Variants in TPH2 observed in about 807,000 individuals in gnomAD.
The protein encoded by TPH2 is tryptophan 5-hydroxylase 2.
Under a neutral mutation model 59.1 loss-of-function variants are expected in TPH2, and 27 were observed. The ratio of observed to expected loss-of-function variants is 0.46; its 90% confidence interval spans 0.34 to 0.63. The LOEUF (loss-of-function observed/expected upper bound fraction) is 0.63, where lower values mean the gene tolerates loss of function less well. Among genes scored for constraint, TPH2 ranks in the 30% least tolerant of loss-of-function variants. The probability of loss-of-function intolerance (pLI) is 0.01; values close to 1 mark genes in which losing one functional copy is unlikely to be tolerated. For synonymous variants in TPH2, 220 were observed against 210.5 expected, an observed-to-expected ratio of 1.05 and a Z score of -0.39; for missense variants, 523 against 588.3, an observed-to-expected ratio of 0.89 and a Z score of 1.15.
intron 8 of TPH2, among the ~76,000 whole-genome samples, chr12:71,998,731 A>T (rs759307652): frequency 3.9e-5 from 6 of 152,216 alleles, no homozygotes; most frequent in Non-Finnish European, 5.9e-5. Context: ...GATGAGAAAT[A>T]GAGGTATTAT....
At chr12:72,014,670 C>T (rs567951164) in intron 8 of TPH2, among the ~76,000 whole-genome samples, 4 of 152,260 alleles carry the variant, frequency 2.6e-5, no homozygotes, top group East Asian at 3.9e-4. Context: ...GGATTACAGG[C>T]GTGAACCACC....
At chr12:72,007,017 T>C (rs1485296567) in intron 8 of TPH2, among the ~76,000 whole-genome samples, 1 of 152,132 alleles carries the variant, frequency 6.6e-6, no homozygotes, top group Non-Finnish European at 1.5e-5. Flanking sequence ...CTGGAGAGTT[T>C]CTTACTTTCT....
At chr12:71,986,630 C>CTTTTT (rs36018735) in intron 7 of TPH2, among the ~76,000 whole-genome samples, 3 of 131,380 alleles carry the variant, frequency 2.3e-5, no homozygotes, top group Non-Finnish European at 3.2e-5. Context: ...AGCCACCCTT[C>CTTTTT]TTTTTTTTTT....
At chr12:71,981,998 G>A (rs1298304340) in intron 7 of TPH2, among the ~76,000 whole-genome samples, 2 of 85,204 alleles carry the variant, frequency 2.3e-5, no homozygotes, top group Admixed American at 1.2e-4. Flanking sequence ...ATTTTTTGTG[G>A]GTTTCATATC....
At chr12:71,956,257 C>T (rs1871492813) in intron 5 of TPH2, among the ~76,000 whole-genome samples, 1 of 152,198 alleles carries the variant, frequency 6.6e-6, no homozygotes, top group African/African-American at 2.4e-5. Flanking sequence ...GACACACCAT[C>T]ACTCTTGCTG....
chr12:72,007,818 AG>A (rs202048735), intron 8 of TPH2, among the ~76,000 whole-genome samples: 1,854 of 152,200 alleles, frequency 0.012, 35 homozygotes, highest in African/African-American at 0.04. Context: ...CCAAGAAAAA[AG>A]CCAACGGTAT....
At chr12:71,940,523 T>C (rs1871027857) in intron 1 of TPH2, among the ~76,000 whole-genome samples, 1 of 152,170 alleles carries the variant, frequency 6.6e-6, no homozygotes. Context: ...TGTAGTAGAT[T>C]GGTACGATTG....
chr12:71,954,827 T>C (rs1057423712), intron 5 of TPH2, among the ~76,000 whole-genome samples: 8 of 59,598 alleles, frequency 1.3e-4, no homozygotes, highest in Non-Finnish European at 2.4e-4. Context: ...TATGCATGCA[T>C]ATTTAATTTT....
chr12:71,989,948 G>GC (rs1566145532), intron 7 of TPH2, among the ~76,000 whole-genome samples: 90 of 13,384 alleles, frequency 6.7e-3, no homozygotes, highest in African/African-American at 0.011. Context: ...ATCAGCTCTT[G>GC]GTTTTTTTTT....
intron 6 of TPH2, among the ~76,000 whole-genome samples, chr12:71,974,777 A>G (rs1384639795): frequency 6.6e-6 from 1 of 152,134 alleles, no homozygotes; most frequent in Non-Finnish European, 1.5e-5. Flanking sequence ...TTCTACTGCT[A>G]TCATCCAAAT....
intron 8 of TPH2, among the ~76,000 whole-genome samples, chr12:72,019,833 A>C (rs1873361332): frequency 6.6e-6 from 1 of 152,214 alleles, no homozygotes; most frequent in African/African-American, 2.4e-5. Context: ...TGGATGTCAC[A>C]GAATAGATGA....
chr12:72,010,519 A>G (rs1413268040), intron 8 of TPH2, among the ~76,000 whole-genome samples: 3 of 152,140 alleles, frequency 2.0e-5, no homozygotes, highest in African/African-American at 7.2e-5. Flanking sequence ...AAAACTTAAA[A>G]TAGAAGACTG....
rs1037080642 is a variant in TPH2 at position 71,947,182 on chromosome 12, C to T, written c.541-2406C>T. ...TGTCTTAATTAATGTTCCAGCTCAGCGATTCTCATCCCTAGCTTTCCATTC... is the reference window on the plus strand; with the variant it reads ...TGTCTTAATTAATGTTCCAGCTCAGTGATTCTCATCCCTAGCTTTCCATTC... On this transcript the variant is annotated intron_variant, in intron 4 of 10. Coordinates refer to ENST00000333850, the MANE Select transcript of TPH2 (RefSeq NM_173353.4). 7.9e-5 allele frequency among the ~76,000 whole-genome samples: 12 copies of T among 152,200 alleles called. No individual in the cohort carries two copies. The East Asian group carries it at 1.9e-3, about 24-fold the overall frequency.
chr12:71,950,622 C>T (rs538960302), intron 5 of TPH2, among the ~76,000 whole-genome samples: 1 of 152,120 alleles, frequency 6.6e-6, no homozygotes, highest in African/African-American at 2.4e-5. Context: ...TGCTCTCTTT[C>T]CTCTGTCTGG....
intron 6 of TPH2, among the ~76,000 whole-genome samples, chr12:71,976,592 T>C (rs1872127031): frequency 6.6e-6 from 1 of 152,344 alleles, no homozygotes; most frequent in Admixed American, 6.5e-5. Context: ...GCTTAATTGA[T>C]GTAATATGGA....
chr12:72,027,219 G>A (rs1279232491), intron 9 of TPH2, among the ~76,000 whole-genome samples: 2 of 152,192 alleles, frequency 1.3e-5, no homozygotes, highest in African/African-American at 4.8e-5. Flanking sequence ...TCATAGTCTA[G>A]GACCTGAAAG....
At chr12:71,950,066 G>A (rs993672178) in intron 5 of TPH2, among the ~76,000 whole-genome samples, 3 of 152,186 alleles carry the variant, frequency 2.0e-5, no homozygotes, top group South Asian at 2.1e-4. Flanking sequence ...TTAAGGAGCC[G>A]TAATAGAGAA....
intron 8 of TPH2, among the ~76,000 whole-genome samples, chr12:72,009,311 C>A (rs1482794527): frequency 6.6e-6 from 1 of 152,030 alleles, no homozygotes; most frequent in Admixed American, 6.6e-5. Flanking sequence ...TCTTGGTAGC[C>A]AAAGCCAGAG....
intron 5 of TPH2, among the ~76,000 whole-genome samples, chr12:71,952,032 A>C (rs1305283131): frequency 2.0e-5 from 3 of 152,198 alleles, no homozygotes; most frequent in African/African-American, 4.8e-5. Flanking sequence ...TCAAAAGCTA[A>C]ACAAAGGCAA....
Sources: allele counts gnomAD v4.1 joint callset (sites outside exome capture counted in the v4.1 genomes callset), GRCh38; gene constraint gnomAD v4.1.1; transcripts MANE v1.5; gene names NCBI Gene and HGNC (gene_info 2026-07-23, HGNC 2026-07-21).